Variants in JAZF1 observed in about 807,000 individuals in gnomAD.
JAZF1 encodes JAZF zinc finger 1.
A neutral mutation model predicts 26.4 loss-of-function variants in JAZF1; 8 were observed. The ratio of observed to expected loss-of-function variants is 0.30; its 90% CI spans 0.18 to 0.55. The LOEUF (loss-of-function observed/expected upper bound fraction) is 0.55, where lower values mean the gene tolerates loss of function less well. Ranked by LOEUF, JAZF1 falls within the 20% of genes least tolerant of loss-of-function variation. The pLI, the probability that JAZF1 is intolerant of heterozygous loss-of-function variation, is 0.94. For missense variants in JAZF1, 199 were observed against 322.0 expected, an observed-to-expected ratio of 0.62 and a Z score of 2.92; for synonymous variants, 126 against 122.3, an observed-to-expected ratio of 1.03 and a Z score of -0.20.
At chr7:27,943,932 C>T (rs966385157) in intron 2 of JAZF1, among the ~76,000 whole-genome samples, 1 of 152,190 alleles carries the variant, frequency 6.6e-6, no homozygotes, top group African/African-American at 2.4e-5. Context: ...AAGTCTGTCT[C>T]CTGATTTTCA....
chr7:28,158,609 C>T (rs549350872), intron 1 of JAZF1, among the ~76,000 whole-genome samples: 5 of 152,292 alleles, frequency 3.3e-5, no homozygotes, highest in East Asian at 3.9e-4. Context: ...CCCACATCAA[C>T]GCAATGCACA....
chr7:27,884,605 C>T (rs1783827154), intron 3 of JAZF1, among the ~76,000 whole-genome samples: 1 of 152,224 alleles, frequency 6.6e-6, no homozygotes, highest in Non-Finnish European at 1.5e-5. Context: ...TGTACTTGAA[C>T]TTCATGAGTA....
chr7:28,073,690 G>A (rs560884527), intron 1 of JAZF1, among the ~76,000 whole-genome samples: 3 of 152,110 alleles, frequency 2.0e-5, no homozygotes, highest in Non-Finnish European at 2.9e-5. Context: ...GCCCCTGCCC[G>A]GGGCAGTGCT....
intron 1 of JAZF1, among the ~76,000 whole-genome samples, chr7:28,142,561 C>A (rs536695108): frequency 1.3e-5 from 2 of 152,260 alleles, no homozygotes; most frequent in East Asian, 3.9e-4. Context: ...TTCTACCGTG[C>A]GCACCTTTCC....
intron 1 of JAZF1, among the ~76,000 whole-genome samples, chr7:28,005,156 A>G (rs1049956198): frequency 6.6e-6 from 1 of 152,158 alleles, no homozygotes; most frequent in Non-Finnish European, 1.5e-5. Flanking sequence ...ACTGGGAACC[A>G]TTTATTTTTC....
chr7:28,056,760 CA>C, intron 1 of JAZF1, among the ~76,000 whole-genome samples: 1 of 152,102 alleles, frequency 6.6e-6, no homozygotes. Flanking sequence ...CTGATGCACA[CA>C]CTCCTGTCCC....
chr7:28,111,961 T>C (rs2127933564), intron 1 of JAZF1, among the ~76,000 whole-genome samples: 1 of 152,332 alleles, frequency 6.6e-6, no homozygotes, highest in Non-Finnish European at 1.5e-5. Flanking sequence ...AATTGTGTAG[T>C]ATTATGGTGC....
chr7:27,845,732 G>T (rs1006063443), intron 3 of JAZF1, among the ~76,000 whole-genome samples: 42 of 145,944 alleles, frequency 2.9e-4, no homozygotes, highest in African/African-American at 1.1e-3. Context: ...AAAAGAAAAA[G>T]AAATTTTAAA....
chr7:28,018,014 C>T (rs530021998), intron 1 of JAZF1, among the ~76,000 whole-genome samples: 32 of 152,234 alleles, frequency 2.1e-4, no homozygotes, highest in African/African-American at 7.5e-4. Context: ...TCGGGTGATC[C>T]GCCCACCTCA....
chr7:28,084,124 C>T (rs1784178591), intron 1 of JAZF1, among the ~76,000 whole-genome samples: 1 of 152,096 alleles, frequency 6.6e-6, no homozygotes, highest in African/African-American at 2.4e-5. Context: ...TTTTCTGCTG[C>T]CTTCTGAAGA....
chr7:27,894,233 A>G (rs1784021744), intron 3 of JAZF1, among the ~76,000 whole-genome samples: 1 of 152,064 alleles, frequency 6.6e-6, no homozygotes, highest in Non-Finnish European at 1.5e-5. Context: ...TCAAAATGCC[A>G]TTTCGCCCAG....
intron 1 of JAZF1, among the ~76,000 whole-genome samples, chr7:28,107,048 A>T (rs1383443101): frequency 6.6e-6 from 1 of 152,204 alleles, no homozygotes; most frequent in Non-Finnish European, 1.5e-5. Flanking sequence ...AAGTGACTAC[A>T]AATTCCTAAT....
intron 2 of JAZF1, among the ~76,000 whole-genome samples, chr7:27,939,870 T>C (rs1247033762): frequency 1.3e-5 from 2 of 152,200 alleles, no homozygotes; most frequent in African/African-American, 2.4e-5. Context: ...ATGATGTTTA[T>C]TGGGATGAAC....
intron 3 of JAZF1, among the ~76,000 whole-genome samples, chr7:27,855,049 T>C (rs1583431943): frequency 6.6e-6 from 1 of 152,188 alleles, no homozygotes; most frequent in African/African-American, 2.4e-5. Flanking sequence ...TCTGGGAGGC[T>C]TTGTTTGTTC....
At chr7:28,096,515 C>T (rs780127910) in intron 1 of JAZF1, among the ~76,000 whole-genome samples, 2 of 152,164 alleles carry the variant, frequency 1.3e-5, no homozygotes, top group Admixed American at 1.3e-4. Flanking sequence ...CTTTTAAGTG[C>T]ATTAGCAAAA....
At chr7:28,052,181 C>T (rs1783628354) in intron 1 of JAZF1, among the ~76,000 whole-genome samples, 1 of 152,142 alleles carries the variant, frequency 6.6e-6, no homozygotes, top group South Asian at 2.1e-4. Context: ...TGTAAATAAC[C>T]TGGGTATATT....
At chr7:27,859,692 G>A (rs966046433) in intron 3 of JAZF1, among the ~76,000 whole-genome samples, 1 of 151,870 alleles carries the variant, frequency 6.6e-6, no homozygotes, top group Non-Finnish European at 1.5e-5. Flanking sequence ...ACACAGGGAG[G>A]GGAACATCAC....
intron 1 of JAZF1, among the ~76,000 whole-genome samples, chr7:28,116,539 G>T (rs896866821): frequency 6.6e-6 from 1 of 151,914 alleles, no homozygotes; most frequent in Non-Finnish European, 1.5e-5. Flanking sequence ...CCACCTCCCC[G>T]GTTCAAGCAA....
intron 1 of JAZF1, among the ~76,000 whole-genome samples, chr7:28,110,524 AGGAAAAGGAAAG>A (rs1784636152): frequency 1.2e-5 from 1 of 80,552 alleles, no homozygotes; most frequent in African/African-American, 4.5e-5. Context: ...GAAAAGGAAA[AGGAAAAGGAAAG>A]GAAAAGGAAA....
Sources: gnomAD v4.1 joint callset for allele counts (sites outside exome capture counted in the v4.1 genomes callset) on GRCh38, gnomAD v4.1.1 for gene constraint, MANE v1.5 for transcripts, NCBI Gene and HGNC (gene_info 2026-07-23, HGNC 2026-07-21) for gene names.